The following DENND5A variants were observed in gnomAD, a reference collection of about 807,000 sequenced individuals.
The protein encoded by DENND5A is DENN domain containing 5A.
In DENND5A, 64 loss-of-function variants were observed where a neutral mutation model predicts 140.3. That is an observed-to-expected ratio of 0.46 (90% CI 0.37 to 0.56). The LOEUF (loss-of-function observed/expected upper bound fraction) is 0.56. Ranked by LOEUF, DENND5A falls within the 20% of genes least tolerant of loss-of-function variation. The pLI is 0.00. For missense variants in DENND5A, 1,292 were observed against 1,593.8 expected, an observed-to-expected ratio of 0.81 and a Z score of 3.22; for synonymous variants, 605 against 607.7, an observed-to-expected ratio of 1.00 and a Z score of 0.07.
At chr11:9,210,594 G>A (rs924850411) in intron 1 of DENND5A, among the ~76,000 whole-genome samples, 1 of 152,056 alleles carries the variant, frequency 6.6e-6, no homozygotes, top group African/African-American at 2.4e-5. Flanking sequence ...CCCAGGCTGG[G>A]GTGCAGTGGC....
At chr11:9,164,559 ATTCT>A (rs1848121812) in intron 11 of DENND5A, among the ~76,000 whole-genome samples, 1 of 152,142 alleles carries the variant, frequency 6.6e-6, no homozygotes, top group Admixed American at 6.6e-5. Flanking sequence ...TGGTTGAAAG[ATTCT>A]TTTTATTAGA....
chr11:9,245,691 T>C (rs1480744750), intron 1 of DENND5A, among the ~76,000 whole-genome samples: 2 of 151,516 alleles, frequency 1.3e-5, no homozygotes, highest in East Asian at 3.9e-4. Context: ...TGGAGTGCAG[T>C]GGCACGATCT....
At chr11:9,239,128 G>A (rs566664636) in intron 1 of DENND5A, among the ~76,000 whole-genome samples, 40 of 151,790 alleles carry the variant, frequency 2.6e-4, no homozygotes, top group Non-Finnish European at 3.4e-4. Context: ...CACTGCGCCC[G>A]GCCTACATCC....
rs138655660 is a variant in DENND5A at position 9,152,307 on chromosome 11, T to G, written c.2521+51A>C. ...GCTTCAAAGTGATCACGCCAGTGGG[T>G]GATGGAAAAGTGGAGAGAGGGCAGA... On this transcript the variant is annotated intron_variant, in intron 13 of 22. Coordinates refer to ENST00000328194, the MANE Select transcript of DENND5A (RefSeq NM_015213.4). 755 of 1,327,052 alleles carry G rather than the reference T, an allele frequency of 5.7e-4. 3 individuals carry two copies. In the African/African-American group the frequency reaches 9.7e-3, roughly 17 times the overall value. 82.2% of individuals were successfully genotyped at this position (1,327,052 alleles called of 1,614,324 possible).
chr11:9,197,974 C>T (rs114347032), intron 4 of DENND5A, among the ~76,000 whole-genome samples: 6 of 152,046 alleles, frequency 3.9e-5, no homozygotes, highest in African/African-American at 1.2e-4. Flanking sequence ...CTCACTTTAC[C>T]GATTGATTTT....
intron 5 of DENND5A, among the ~76,000 whole-genome samples, chr11:9,188,119 T>C (rs191583370): frequency 3.3e-5 from 5 of 152,236 alleles, no homozygotes; most frequent in Admixed American, 1.3e-4. Context: ...CAGTGGGGGA[T>C]AGTTGAATCA....
intron 11 of DENND5A, among the ~76,000 whole-genome samples, chr11:9,165,447 A>ATT (rs34748028): frequency 3.3e-4 from 49 of 150,424 alleles, no homozygotes; most frequent in African/African-American, 1.0e-3. Flanking sequence ...TATATTAACG[A>ATT]TTTTTTTTTT....
At chr11:9,201,606 G>A (rs1222275768) in intron 4 of DENND5A, among the ~76,000 whole-genome samples, 1 of 151,982 alleles carries the variant, frequency 6.6e-6, no homozygotes, top group South Asian at 2.1e-4. Flanking sequence ...GGAGGACGAG[G>A]CTGCAGTGAG....
intron 1 of DENND5A, among the ~76,000 whole-genome samples, chr11:9,214,668 G>A (rs1338869960): frequency 1.3e-5 from 2 of 152,194 alleles, no homozygotes; most frequent in Non-Finnish European, 2.9e-5. Context: ...TAAGTACCCA[G>A]AATACAAGCA....
chr11:9,176,685 G>A, intron 8 of DENND5A: 1 of 259,390 alleles, frequency 3.9e-6, no homozygotes, highest in African/African-American at 2.3e-5. Context: ...AGAATCAACT[G>A]ACTCAGTCTG....
At chr11:9,205,570 T>A (rs1442568201) in intron 3 of DENND5A, among the ~76,000 whole-genome samples, 2 of 152,084 alleles carry the variant, frequency 1.3e-5, no homozygotes, top group Non-Finnish European at 2.9e-5. Flanking sequence ...AACAAGACCA[T>A]CCTCTAAAAA....
intron 1 of DENND5A, among the ~76,000 whole-genome samples, chr11:9,263,155 C>T (rs1852282452): frequency 6.6e-6 from 1 of 152,096 alleles, no homozygotes. Context: ...GAGGAAATAG[C>T]TCATTTTTTT....
At chr11:9,145,448 T>C in intron 17 of DENND5A, 1 of 607,508 alleles carries the variant, frequency 1.6e-6, no homozygotes, top group Non-Finnish European at 2.9e-6. Context: ...GATGTGCATG[T>C]CCAGACAAGT....
chr11:9,240,945 T>G (rs9888193), intron 1 of DENND5A, among the ~76,000 whole-genome samples: 43,026 of 152,080 alleles, frequency 0.28, 6,750 homozygotes, highest in South Asian at 0.5. Flanking sequence ...ACTTCTAAAC[T>G]TAAGCAGTCC....
chr11:9,149,377 C>G (rs571233934), intron 15 of DENND5A, among the ~76,000 whole-genome samples: 22 of 152,280 alleles, frequency 1.4e-4, no homozygotes, highest in African/African-American at 5.3e-4. Context: ...ACATGCTCAG[C>G]CTTGGGAAAG....
chr11:9,231,013 A>T (rs918271890), intron 1 of DENND5A, among the ~76,000 whole-genome samples: 1 of 152,128 alleles, frequency 6.6e-6, no homozygotes, highest in African/African-American at 2.4e-5. Context: ...AAAAAACCCA[A>T]AAAACTACCT....
chr11:9,173,305 T>C (rs1163351715), intron 8 of DENND5A, among the ~76,000 whole-genome samples: 1 of 152,176 alleles, frequency 6.6e-6, no homozygotes, highest in African/African-American at 2.4e-5. Flanking sequence ...GATGGAAGTA[T>C]GGATCTACAG....
intron 1 of DENND5A, among the ~76,000 whole-genome samples, chr11:9,218,514 C>T (rs1438188982): frequency 6.6e-6 from 1 of 151,952 alleles, no homozygotes; most frequent in East Asian, 1.9e-4. Flanking sequence ...TCACTTAAGC[C>T]CAGGAGTTTG....
chr11:9,150,444 C>T (rs1461822847), intron 14 of DENND5A, among the ~76,000 whole-genome samples: 2 of 152,148 alleles, frequency 1.3e-5, no homozygotes, highest in African/African-American at 4.8e-5. Context: ...TAACTCTGAG[C>T]CCTTAGGGCC....
Sources: allele counts gnomAD v4.1 joint callset (sites outside exome capture counted in the v4.1 genomes callset), GRCh38; gene constraint gnomAD v4.1.1; transcripts MANE v1.5; gene names NCBI Gene and HGNC (gene_info 2026-07-23, HGNC 2026-07-21).